PHKB: variants seen among roughly 807,000 people sequenced by gnomAD.
The protein encoded by PHKB is phosphorylase kinase regulatory subunit beta, also known as phosphorylase b kinase regulatory subunit beta.
PHKB carries 122 observed loss-of-function variants against 152.1 expected under a neutral mutation model. The ratio of observed to expected loss-of-function variants is 0.80; its 90% CI spans 0.69 to 0.93. The LOEUF (loss-of-function observed/expected upper bound fraction) is 0.93. Among genes scored for constraint, PHKB ranks in the 40% least tolerant of loss-of-function variants. The pLI, the probability that PHKB is intolerant of heterozygous loss-of-function variation, is 0.00. For missense variants in PHKB, 1,304 were observed against 1,328.4 expected (o/e 0.98, Z 0.29); for synonymous variants, 436 against 464.9 (o/e 0.94, Z 0.80).
chr16:47,591,797 C>T (rs1019847397), intron 10 of PHKB, among the ~76,000 whole-genome samples: 5 of 152,140 alleles, frequency 3.3e-5, no homozygotes, highest in East Asian at 1.9e-4. Context: ...CTCCTGTGCC[C>T]GAGCCCTATA....
chr16:47,598,719 C>T (rs1163545368), intron 13 of PHKB: 15 of 1,571,894 alleles, frequency 9.5e-6, no homozygotes, highest in Non-Finnish European at 1.2e-5. Context: ...GTTTCCACTC[C>T]CTCATTTTTC....
chr16:47,506,850 A>C (rs1970428281), intron 4 of PHKB, among the ~76,000 whole-genome samples: 1 of 152,218 alleles, frequency 6.6e-6, no homozygotes, highest in African/African-American at 2.4e-5. Context: ...AAATCTCATA[A>C]TGTTTTAAGA....
chr16:47,650,738 A>T (rs768568033), intron 19 of PHKB, 93 bp from the exon 20 acceptor site: 10 of 1,236,422 alleles, frequency 8.1e-6, no homozygotes, highest in Admixed American at 6.7e-5. Context: ...TATGTGGTGG[A>T]ATACTTTGTA....
At chr16:47,597,055 C>G (rs1475690152) in intron 13 of PHKB, among the ~76,000 whole-genome samples, 2 of 152,108 alleles carry the variant, frequency 1.3e-5, no homozygotes, top group Non-Finnish European at 2.9e-5. Context: ...TCATAGCACT[C>G]TTGGACACTT....
At chr16:47,670,717 T>G (rs1025139931) in intron 26 of PHKB, among the ~76,000 whole-genome samples, 1 of 150,320 alleles carries the variant, frequency 6.7e-6, no homozygotes, top group African/African-American at 2.5e-5. Flanking sequence ...CTTGAACTCT[T>G]TACCTTTAGT....
chr16:47,685,201 C>T (rs560094215), intron 26 of PHKB, among the ~76,000 whole-genome samples: 16 of 152,168 alleles, frequency 1.1e-4, no homozygotes, highest in Admixed American at 2.6e-4. Flanking sequence ...CCGAGGTGGG[C>T]GGATCACGAG....
At chr16:47,656,931 G>GT (rs1470431650) in intron 20 of PHKB, among the ~76,000 whole-genome samples, 2 of 152,192 alleles carry the variant, frequency 1.3e-5, no homozygotes, top group East Asian at 3.9e-4. Flanking sequence ...ATCTCTAAAT[G>GT]TAATTGGAGA....
rs12926621 is a variant in PHKB at position 47,565,915 on chromosome 16, G to T, written c.711-14380G>T. ...CTCTGAGGCTTTAGATTCAGTTTGG[G>T]TCTTTGTGGGGGACCTCTATCATCA... On this transcript the variant is annotated intron_variant, in intron 7 of 30. Coordinates refer to ENST00000323584, the MANE Select transcript of PHKB (RefSeq NM_000293.3). 8.2e-3 allele frequency: 8,891 copies of T among 1,081,074 alleles called. 48 individuals carry two copies. Among genetic ancestry groups the T allele is most frequent in the Non-Finnish European group, 0.01 (7,654 of 740,564 alleles). The allele number at this position is 1,081,074 out of a possible 1,614,324, so 67.0% of individuals were successfully genotyped here. A position where few individuals can be genotyped will look rare whatever the true frequency, so the allele number is the denominator to read the frequency against.
intron 14 of PHKB, among the ~76,000 whole-genome samples, chr16:47,614,089 T>C (rs889488137): frequency 1.3e-5 from 2 of 152,202 alleles, no homozygotes; most frequent in Admixed American, 1.3e-4. Context: ...ACAGGAAGCA[T>C]AGCAGCTTCC....
At chr16:47,618,581 CTTAT>C (rs1186012474) in intron 14 of PHKB, among the ~76,000 whole-genome samples, 1 of 152,126 alleles carries the variant, frequency 6.6e-6, no homozygotes, top group Admixed American at 6.5e-5. Flanking sequence ...AAACACCAGA[CTTAT>C]TTATGTTGTC....
In PHKB at chr16:47,497,464, A is replaced by C. The variant is rs1473166734; in HGVS notation, c.142A>C (p.Lys48Gln). The C allele has an allele frequency of 2.5e-6, 4 of 1,607,600 alleles. No individual in the cohort carries two copies. Among genetic ancestry groups the C allele is most frequent in the Non-Finnish European group, 3.4e-6 (4 of 1,175,714 alleles). The change falls in exon 2 of 31, where the codon AAG becomes CAG. Residue 48 changes from lysine (K) to glutamine (Q), a missense_variant. Lys to Gln is a moderately conservative substitution (Grantham distance 53, BLOSUM62 1). Coordinates refer to ENST00000323584, the MANE Select transcript of PHKB (RefSeq NM_000293.3). ...ACCTGATAATGAAACTCTCTGGGATAAGTTGGACCATTATTACAGAATTGG... is the reference window on the plus strand; with the variant it reads ...ACCTGATAATGAAACTCTCTGGGATCAGTTGGACCATTATTACAGAATTGG... ...PRPDNETLWD[K>Q]LDHYYRIVKS...
intron 6 of PHKB, among the ~76,000 whole-genome samples, chr16:47,531,582 T>C: frequency 6.6e-6 from 1 of 152,182 alleles, no homozygotes; most frequent in East Asian, 1.9e-4. Context: ...AAAATAAAAA[T>C]AATTGAGTGA....
At position 47,566,382 on chromosome 16, in the gene PHKB, T is replaced by C. The variant is rs150338787; in HGVS notation, c.711-13913T>C. On this transcript the variant is annotated intron_variant, in intron 7 of 30. Transcript: ENST00000323584. ...ATTCCTGTCTTTATCCTGTGCTTGA[T>C]CAGCAACGTCCACTCAAATTCTCCT... 1.4e-3 allele frequency: 2,104 copies of C among 1,543,260 alleles called. 39 individuals carry two copies. In the African/African-American group the frequency reaches 0.026, roughly 19 times the overall value.
intron 13 of PHKB, chr16:47,598,831 A>G (rs1324588342): frequency 6.2e-7 from 1 of 1,605,154 alleles, no homozygotes; most frequent in Non-Finnish European, 8.5e-7. Flanking sequence ...CGCTTTAACC[A>G]TAGCCAGCTT....
intron 7 of PHKB, among the ~76,000 whole-genome samples, chr16:47,552,729 A>G (rs762786511): frequency 2.6e-5 from 4 of 151,866 alleles, no homozygotes; most frequent in Non-Finnish European, 5.9e-5. Context: ...AATTGCTTGA[A>G]CCCATTGAAA....
intron 13 of PHKB, among the ~76,000 whole-genome samples, chr16:47,603,514 T>TG (rs1302094599): frequency 6.6e-6 from 1 of 151,226 alleles, no homozygotes; most frequent in East Asian, 1.9e-4. Flanking sequence ...TTTTTTTTTT[T>TG]TTTTTTGGAG....
intron 14 of PHKB, among the ~76,000 whole-genome samples, chr16:47,631,019 A>G (rs912454755): frequency 1.3e-5 from 2 of 152,076 alleles, no homozygotes; most frequent in Non-Finnish European, 2.9e-5. Context: ...ACTCAGACTG[A>G]AACTAAACTG....
chr16:47,668,459 G>A (rs553402265), intron 25 of PHKB, among the ~76,000 whole-genome samples: 1 of 152,296 alleles, frequency 6.6e-6, no homozygotes, highest in African/African-American at 2.4e-5. Flanking sequence ...AAAAGAGATG[G>A]AAAGGGGTAT....
intron 6 of PHKB, among the ~76,000 whole-genome samples, chr16:47,540,484 C>T (rs1304384450): frequency 6.6e-6 from 1 of 152,096 alleles, no homozygotes; most frequent in African/African-American, 2.4e-5. Flanking sequence ...ACCACCTCCC[C>T]TTTTGAAATC....
Sources: gnomAD v4.1 joint callset for allele counts (sites outside exome capture counted in the v4.1 genomes callset) on GRCh38, gnomAD v4.1.1 for gene constraint, MANE v1.5 for transcripts, NCBI Gene and HGNC (gene_info 2026-07-23, HGNC 2026-07-21) for gene names.